The following MGMT variants were observed in gnomAD, a reference collection of about 807,000 sequenced individuals.
The protein encoded by MGMT is O-6-methylguanine-DNA methyltransferase.
In MGMT, 14 loss-of-function variants were observed where a neutral mutation model predicts 15.9. The observed-to-expected ratio is 0.88, with a 90% CI of 0.58 to 1.37. The LOEUF (loss-of-function observed/expected upper bound fraction) is 1.37. MGMT is among the 40% of genes most tolerant of loss of function. The probability of loss-of-function intolerance (pLI) is 0.00; values close to 1 mark genes in which losing one functional copy is unlikely to be tolerated. For missense variants in MGMT, 282 were observed against 268.1 expected, an observed-to-expected ratio of 1.05 and a Z score of -0.36; for synonymous variants, 130 against 118.2, an observed-to-expected ratio of 1.10 and a Z score of -0.65.
intron 2 of MGMT, among the ~76,000 whole-genome samples, chr10:129,544,973 C>T (rs1199079464): frequency 1.3e-5 from 2 of 152,166 alleles, no homozygotes; most frequent in African/African-American, 4.8e-5. Flanking sequence ...GAAGTGAGGA[C>T]TCGGAGGGAC....
In MGMT at chr10:129,497,439, T is replaced by C. The variant is rs548305882; in HGVS notation, c.-13+30143T>C. On this transcript the variant is annotated intron_variant, in intron 1 of 4. Transcript: ENST00000651593. ...CTTTGGGGTCAGATTAGACCCTGCA[T>C]GTACATAGATGACAACGGAATGGCT... Among the ~76,000 whole-genome samples, 3 of 152,334 alleles carry C rather than the reference T, an allele frequency of 2.0e-5. No individual in the cohort carries two copies. The South Asian group carries it at 6.2e-4, about 32-fold the overall frequency.
intron 2 of MGMT, among the ~76,000 whole-genome samples, chr10:129,620,088 C>T: frequency 6.6e-6 from 1 of 152,092 alleles, no homozygotes. Context: ...ACATTGGAGG[C>T]CGTTCATGAT....
intron 2 of MGMT, among the ~76,000 whole-genome samples, chr10:129,686,593 C>T (rs1004786107): frequency 2.0e-5 from 3 of 152,262 alleles, no homozygotes; most frequent in African/African-American, 4.8e-5. Flanking sequence ...AAACTCCTGA[C>T]CTCAAGTGAT....
intron 3 of MGMT, among the ~76,000 whole-genome samples, chr10:129,722,221 A>G (rs1848380409): frequency 1.3e-5 from 2 of 152,214 alleles, no homozygotes; most frequent in African/African-American, 4.8e-5. Context: ...ATACAATTTT[A>G]ACATAAAATG....
Position 129,659,481 on chromosome 10 carries a change from C to G in MGMT, c.126-48414C>G, listed in dbSNP as rs924472230. Reference sequence around the variant, plus strand: ...CGGCGTAAGGGAGTTAGCTTCATGGCAAGCTCTCTGGAGAACACAGGCCAT... The same window carrying G: ...CGGCGTAAGGGAGTTAGCTTCATGGGAAGCTCTCTGGAGAACACAGGCCAT... On this transcript the variant is annotated intron_variant, in intron 2 of 4. Transcript: ENST00000651593. This position sits in a 1 kb window ranked among gnomAD's most constrained non-coding sequence, Gnocchi z 4.1. 6.6e-6 allele frequency among the ~76,000 whole-genome samples: 1 copy of G among 152,122 alleles called. No individual in the cohort carries two copies. The highest frequency in any genetic ancestry group is 1.5e-5 in the Non-Finnish European group (1 of 68,028).
intron 2 of MGMT, among the ~76,000 whole-genome samples, chr10:129,574,114 A>G (rs1186383060): frequency 6.6e-6 from 1 of 152,234 alleles, no homozygotes; most frequent in African/African-American, 2.4e-5. Context: ...TGATACTGTT[A>G]TTTATGCGCA....
At chr10:129,571,762 T>C (rs1846422514) in intron 2 of MGMT, among the ~76,000 whole-genome samples, 1 of 152,208 alleles carries the variant, frequency 6.6e-6, no homozygotes, top group Non-Finnish European at 1.5e-5. Flanking sequence ...AGAACCGCCG[T>C]GTGTTTTATT....
rs150073892 is a variant in MGMT, at chr10:129,573,355, A to G, written c.125+36978A>G. Among the ~76,000 whole-genome samples, 309 of 152,352 alleles carry G rather than the reference A, an allele frequency of 2.0e-3. 3 individuals are homozygous for G. Among genetic ancestry groups the G allele is most frequent in the African/African-American group, 7.0e-3 (290 of 41,598 alleles). On this transcript the variant is annotated intron_variant, in intron 2 of 4. Transcript: ENST00000651593. ...CAAAGATTGTACAGATCCTTCACCC[A>G]GGATCTCCCAATGTTAACAGCTTAC...
At chr10:129,580,306 G>C (rs1846537156) in intron 2 of MGMT, among the ~76,000 whole-genome samples, 4 of 152,164 alleles carry the variant, frequency 2.6e-5, no homozygotes, top group Admixed American at 2.6e-4. Context: ...TTGGAAGTCG[G>C]CTTAAATGGT....
chr10:129,595,424 C>G (rs543030935), intron 2 of MGMT, among the ~76,000 whole-genome samples: 2 of 152,284 alleles, frequency 1.3e-5, no homozygotes, highest in East Asian at 3.9e-4. Context: ...CCTGTGGTGA[C>G]CTGGCGTCCA....
Position 129,768,523 on chromosome 10 carries a change from G to A in MGMT, c.*1526G>A, listed in dbSNP as rs2133192491. Among the ~76,000 whole-genome samples, 1 of 152,326 alleles carries A rather than the reference G, an allele frequency of 6.6e-6. No homozygotes were observed. Among genetic ancestry groups the A allele is most frequent in the African/African-American group, 2.4e-5 (1 of 41,574 alleles). On this transcript the variant is annotated 3_prime_UTR_variant, in exon 5 of 5. Transcript: ENST00000651593. Reference sequence around the variant, plus strand: ...TTTTTGACGTTGCTGAAGGTGAGTGGGAAAAGCTGGGTGCACTCTGCCCCA... The same window carrying A: ...TTTTTGACGTTGCTGAAGGTGAGTGAGAAAAGCTGGGTGCACTCTGCCCCA...
chr10:129,692,243 A>T (rs926349611), intron 2 of MGMT, among the ~76,000 whole-genome samples: 2 of 152,208 alleles, frequency 1.3e-5, no homozygotes, highest in Non-Finnish European at 2.9e-5. Context: ...TGGGAGGACC[A>T]GCAGAGAGTG....
At chr10:129,737,323 C>T (rs1400145967) in intron 3 of MGMT, among the ~76,000 whole-genome samples, 2 of 152,160 alleles carry the variant, frequency 1.3e-5, no homozygotes, top group African/African-American at 2.4e-5. Flanking sequence ...ATCGCTGATA[C>T]CCTTTCTTCC....
chr10:129,631,729 T>G (rs1847211785), intron 2 of MGMT, among the ~76,000 whole-genome samples: 4 of 152,112 alleles, frequency 2.6e-5, no homozygotes, highest in African/African-American at 7.2e-5. Flanking sequence ...GAGGCTGAGG[T>G]AGGAAAATCT....
intron 1 of MGMT, among the ~76,000 whole-genome samples, chr10:129,518,325 G>GACACACAC (rs1293188269): frequency 0.022 from 1,944 of 88,004 alleles, 67 homozygotes; most frequent in African/African-American, 0.082. Context: ...TGTGTGTACA[G>GACACACAC]ATACACACAC....
intron 2 of MGMT, among the ~76,000 whole-genome samples, chr10:129,547,382 A>G (rs550356441): frequency 1.3e-5 from 2 of 152,228 alleles, no homozygotes; most frequent in Admixed American, 1.3e-4. Context: ...CCTGTACCCC[A>G]TCTGATCCAC....
At chr10:129,737,079 G>T (rs1362380678) in intron 3 of MGMT, among the ~76,000 whole-genome samples, 2 of 151,810 alleles carry the variant, frequency 1.3e-5, no homozygotes, top group Non-Finnish European at 2.9e-5. Context: ...GGCATTCTCT[G>T]TATTTCCTGA....
intron 2 of MGMT, among the ~76,000 whole-genome samples, chr10:129,652,800 C>T (rs1482410926): frequency 1.3e-5 from 2 of 152,230 alleles, no homozygotes; most frequent in Admixed American, 1.3e-4. Context: ...GGCGCACCCA[C>T]GGGGTGACGT....
At chr10:129,740,328 G>C (rs1187580525) in intron 3 of MGMT, among the ~76,000 whole-genome samples, 2 of 152,158 alleles carry the variant, frequency 1.3e-5, no homozygotes, top group Non-Finnish European at 2.9e-5. Context: ...TAAAGCCTGA[G>C]AGAGGCCATC....
Sources: allele counts gnomAD v4.1 joint callset (sites outside exome capture counted in the v4.1 genomes callset), GRCh38; gene constraint gnomAD v4.1.1; non-coding constraint Gnocchi (gnomAD v3.1); transcripts MANE v1.5; gene names NCBI Gene and HGNC (gene_info 2026-07-23, HGNC 2026-07-21).